PRR5: variants seen among roughly 807,000 people sequenced by gnomAD.
The protein encoded by PRR5 is proline rich 5.
In PRR5, 25 loss-of-function variants were observed where a neutral mutation model predicts 30.6. The ratio of observed to expected loss-of-function variants is 0.82; its 90% CI spans 0.60 to 1.14. PRR5 has a LOEUF of 1.14. Among genes scored for constraint, PRR5 ranks in the 50% most tolerant of loss-of-function variants. The pLI, the probability that PRR5 is intolerant of heterozygous loss-of-function variation, is 0.00. For missense variants in PRR5, 600 were observed against 547.1 expected, an observed-to-expected ratio of 1.10 and a Z score of -0.96; for synonymous variants, 286 against 247.1, an observed-to-expected ratio of 1.16 and a Z score of -1.48.
chr22:44,697,171 A>C (rs942940604), intron 1 of PRR5, among the ~76,000 whole-genome samples: 1 of 152,126 alleles, frequency 6.6e-6, no homozygotes, highest in Admixed American at 6.5e-5. Flanking sequence ...AAATGGGAAT[A>C]ATAACAGTTG....
chr22:44,696,988 C>T (rs1925812196), intron 1 of PRR5, among the ~76,000 whole-genome samples: 1 of 152,170 alleles, frequency 6.6e-6, no homozygotes, highest in Non-Finnish European at 1.5e-5. Context: ...CCACTGGCCT[C>T]AGCCTCCTAA....
At chr22:44,728,282 T>C (rs1026016796) in intron 4 of PRR5, among the ~76,000 whole-genome samples, 1 of 152,220 alleles carries the variant, frequency 6.6e-6, no homozygotes, top group Non-Finnish European at 1.5e-5. Flanking sequence ...CCCATGTAGC[T>C]GCAGACACAG....
intron 1 of PRR5, among the ~76,000 whole-genome samples, chr22:44,678,349 G>A (rs1381542973): frequency 6.9e-6 from 1 of 144,884 alleles, no homozygotes; most frequent in African/African-American, 2.6e-5. Context: ...TTTTGAGATG[G>A]AGTTTCACTC....
intron 2 of PRR5, among the ~76,000 whole-genome samples, chr22:44,718,617 TAGC>T (rs368435207): frequency 1.2e-3 from 180 of 144,728 alleles, no homozygotes; most frequent in African/African-American, 4.5e-3. Context: ...CTGTCCCACT[TAGC>T]AGCGTATAAG....
chr22:44,690,674 G>C (rs1232330103), intron 1 of PRR5, among the ~76,000 whole-genome samples: 2 of 152,218 alleles, frequency 1.3e-5, no homozygotes, highest in African/African-American at 4.8e-5. Flanking sequence ...TCCTCTGGCT[G>C]CACAGCCCAT....
chr22:44,726,986 C>G (rs4823365), intron 4 of PRR5, among the ~76,000 whole-genome samples: 101,045 of 151,984 alleles, frequency 0.66, 34,664 homozygotes, highest in East Asian at 0.86. Context: ...GAGGAGAAGT[C>G]GGTTAGGGCT....
At position 44,687,672 on chromosome 22, in the gene PRR5, G is replaced by A. The variant is rs771554965; in HGVS notation, c.-11+10432G>A. The stretch of plus-strand genomic sequence containing the variant: ...CACCTCCCAGCATCCTGCTTGCTCC[G>A]CGCCTGGTCTCCTGGCTGCTATCAC... On this transcript the variant is annotated intron_variant, in intron 1 of 8. Coordinates refer to the PRR5 transcript ENST00000006251. Among the ~76,000 whole-genome samples, 4 of 152,208 alleles carry A rather than the reference G, an allele frequency of 2.6e-5. No homozygotes were observed. In the South Asian group the frequency reaches 6.2e-4, roughly 24 times the overall value.
At chr22:44,683,340 G>A (rs368988970) in intron 1 of PRR5, among the ~76,000 whole-genome samples, 4 of 152,218 alleles carry the variant, frequency 2.6e-5, no homozygotes, top group African/African-American at 7.2e-5. Context: ...GTTTGTAGTC[G>A]AGATAGCCAC....
intron 1 of PRR5, 127 bp from the exon 2 acceptor site, chr22:44,714,464 G>C: frequency 7.5e-7 from 1 of 1,342,136 alleles, no homozygotes; most frequent in Non-Finnish European, 1.0e-6. Flanking sequence ...AAGTGGGTGT[G>C]AGCAGGGTCC....
Position 44,686,580 on chromosome 22 carries a change from T to C in PRR5, c.-11+9340T>C, listed in dbSNP as rs546603101. 6.6e-5 allele frequency among the ~76,000 whole-genome samples: 10 copies of C among 152,090 alleles called. No individual in the cohort carries two copies. The East Asian group carries it at 1.9e-3, about 30-fold the overall frequency. On this transcript the variant is annotated intron_variant, in intron 1 of 8. Transcript: ENST00000006251. ...AGGCTAGAGTGCAGTGGCTCGATCTTGGCTCACTCACTGCAACCTCCACCT... is the reference window on the plus strand; with the variant it reads ...AGGCTAGAGTGCAGTGGCTCGATCTCGGCTCACTCACTGCAACCTCCACCT...
chr22:44,712,971 G>A (rs920969333), intron 1 of PRR5, among the ~76,000 whole-genome samples: 5 of 152,190 alleles, frequency 3.3e-5, no homozygotes, highest in Non-Finnish European at 7.3e-5. Flanking sequence ...GAATCAAGAT[G>A]AATAGCTGCT....
intron 2 of PRR5, among the ~76,000 whole-genome samples, chr22:44,722,951 G>C (rs987941020): frequency 2.0e-5 from 3 of 151,954 alleles, no homozygotes; most frequent in Non-Finnish European, 2.9e-5. Flanking sequence ...AAACCACGGG[G>C]AAAATGACAA....
intron 4 of PRR5, 47 bp from the exon 5 acceptor site, chr22:44,731,683 C>A: frequency 6.3e-7 from 1 of 1,595,514 alleles, no homozygotes; most frequent in Non-Finnish European, 8.6e-7. Context: ...GTGGAGGCAT[C>A]TGCCCGCGCC....
chr22:44,735,831 C>A (rs1242287453), intron 7 of PRR5, among the ~76,000 whole-genome samples: 1 of 152,234 alleles, frequency 6.6e-6, no homozygotes, highest in Non-Finnish European at 1.5e-5. Context: ...CAGAGGGGCT[C>A]CCCGTCCCCA....
chr22:44,714,291 C>G (rs1205436269), intron 1 of PRR5, among the ~76,000 whole-genome samples: 1 of 152,052 alleles, frequency 6.6e-6, no homozygotes, highest in African/African-American at 2.4e-5. Context: ...CTGGCCTGGG[C>G]AAGGTGGGGT....
Position 44,702,589 on chromosome 22 carries a change from G to A in PRR5, c.115G>A (p.Ala39Thr). 1.5e-6 allele frequency: 2 copies of A among 1,378,834 alleles called. No homozygotes were observed. The highest frequency in any genetic ancestry group is 1.6e-5 in the South Asian group (1 of 60,682). 85.4% of individuals were successfully genotyped at this position (1,378,834 alleles called of 1,614,324 possible). A position where few individuals can be genotyped will look rare whatever the true frequency, so the allele number is the denominator to read the frequency against. Residue 39 changes from alanine (A) to threonine (T), a missense_variant, in exon 1 of 8, where the codon GCC becomes ACC. Transcript: ENST00000336985. ...ERGTQQRRAC[A>T]NATWNSIHNG... The stretch of plus-strand genomic sequence containing the variant: ...GGGCACGCAGCAGCGCCGGGCCTGC[G>A]CCAACGCCACCTGGAACAGGTAAGG...
chr22:44,723,653 G>A (rs1203732081), intron 2 of PRR5, among the ~76,000 whole-genome samples: 7 of 152,202 alleles, frequency 4.6e-5, no homozygotes, highest in Admixed American at 4.6e-4. Flanking sequence ...CTGGGAGGTG[G>A]AGGTTGCAGT....
intron 2 of PRR5, among the ~76,000 whole-genome samples, chr22:44,721,827 G>A (rs1012539150): frequency 1.3e-5 from 2 of 152,252 alleles, no homozygotes; most frequent in African/African-American, 4.8e-5. Flanking sequence ...CTCCAGCCCT[G>A]ACTTGCTGAG....
At chr22:44,668,947 TAGGTGCGCGCGCGCGCGA>T (rs1397620056) in intron 1 of PRR5, 2 of 148,352 alleles carry the variant, frequency 1.3e-5, no homozygotes, top group Non-Finnish European at 1.5e-5. Context: ...TGTGCGCGCG[TAGGTGCGCGCGCGCGCGA>T]CGCCGACTGC....
Sources: allele counts gnomAD v4.1 joint callset (sites outside exome capture counted in the v4.1 genomes callset), GRCh38; gene constraint gnomAD v4.1.1; transcripts MANE v1.5; gene names NCBI Gene and HGNC (gene_info 2026-07-23, HGNC 2026-07-21).